GLCE: variants seen among roughly 807,000 people sequenced by gnomAD.
GLCE encodes the protein D-glucuronyl C5-epimerase.
A neutral mutation model predicts 47.9 loss-of-function variants in GLCE; 19 were observed. That is an observed-to-expected ratio of 0.40 (90% confidence interval 0.28 to 0.58). The LOEUF (loss-of-function observed/expected upper bound fraction) is 0.58. Ranked by LOEUF, GLCE falls within the 20% of genes least tolerant of loss-of-function variation. The probability of loss-of-function intolerance (pLI) is 0.48; values close to 1 mark genes in which losing one functional copy is unlikely to be tolerated. For synonymous variants in GLCE, 245 were observed against 263.4 expected (o/e 0.93, Z 0.68); for missense variants, 556 against 743.3 (o/e 0.75, Z 2.93).
At chr15:69,173,523 G>A (rs1197070256) in intron 1 of GLCE, among the ~76,000 whole-genome samples, 1 of 152,140 alleles carries the variant, frequency 6.6e-6, no homozygotes, top group Non-Finnish European at 1.5e-5. Context: ...GAAAATATTG[G>A]TTCATAATGA....
At chr15:69,252,498 AG>A (rs1477720707) in intron 2 of GLCE, among the ~76,000 whole-genome samples, 3 of 152,208 alleles carry the variant, frequency 2.0e-5, no homozygotes, top group African/African-American at 7.2e-5. Flanking sequence ...GCCATTCAAG[AG>A]GGATGCACCC....
intron 2 of GLCE, among the ~76,000 whole-genome samples, chr15:69,234,431 C>T (rs2052568055): frequency 6.6e-6 from 1 of 151,972 alleles, no homozygotes; most frequent in African/African-American, 2.4e-5. Flanking sequence ...ATTTGTAATT[C>T]AGGTTTTACC....
chr15:69,255,721 G>C, intron 2 of GLCE, 73 bp from the exon 3 acceptor site: 1 of 788,366 alleles, frequency 1.3e-6, no homozygotes, highest in Non-Finnish European at 1.9e-6. Flanking sequence ...AAAAAAAAAA[G>C]CAAAGAAAAC....
At chr15:69,171,953 T>C (rs1218328556) in intron 1 of GLCE, among the ~76,000 whole-genome samples, 1 of 152,222 alleles carries the variant, frequency 6.6e-6, no homozygotes, top group East Asian at 1.9e-4. Context: ...AGAGATCATC[T>C]TGATTTTTTA....
chr15:69,181,395 A>G (rs1002701612), intron 1 of GLCE, among the ~76,000 whole-genome samples: 5 of 152,200 alleles, frequency 3.3e-5, no homozygotes, highest in Non-Finnish European at 7.3e-5. Context: ...TTGGAGCACT[A>G]CAACATTTAA....
At chr15:69,216,098 A>G (rs1478052765) in intron 2 of GLCE, among the ~76,000 whole-genome samples, 1 of 152,146 alleles carries the variant, frequency 6.6e-6, no homozygotes. Context: ...TATTTGAATG[A>G]TAATTTTATT....
In GLCE at chr15:69,268,398, T is replaced by G; in HGVS notation, c.1008T>G (p.Asp336Glu). 1.2e-6 allele frequency: 2 copies of G among 1,613,982 alleles called. No homozygotes were observed. The highest frequency in any genetic ancestry group is 1.7e-6 in the Non-Finnish European group (2 of 1,179,868). Residue 336 changes from aspartate to glutamate, a missense_variant, in exon 5 of 5, where the codon GAT becomes GAG. Asp to Glu is a conservative substitution (Grantham distance 45). Around this residue, in one of 3 missense-constraint regions of GLCE, gnomAD observed 245 missense variants for 368.1 expected, o/e 0.67. Coordinates refer to ENST00000261858, the MANE Select transcript of GLCE (RefSeq NM_015554.3). The stretch of plus-strand genomic sequence containing the variant: ...AGCTAATTGCTTTTAAAGAAAGAGA[T>G]ATATACTATGGCATTGGGCCCAGAA... ...NAQLIAFKER[D>E]IYYGIGPRTS...
At position 69,161,014 on chromosome 15, in the gene GLCE, G is replaced by A. The variant is rs561124448; in HGVS notation, c.-105+257G>A. Among the ~76,000 whole-genome samples, 3 of 152,106 alleles carry A rather than the reference G, an allele frequency of 2.0e-5. No individual in the cohort carries two copies. In the South Asian group the frequency reaches 6.2e-4, roughly 32 times the overall value. ...GGGGGCAATGTATTAGGGATCCTGG[G>A]GGCTCTTCCGGCTTGGGGTAGGGGT... On this transcript the variant is annotated intron_variant, in intron 1 of 4. Transcript: ENST00000261858.
intron 1 of GLCE, among the ~76,000 whole-genome samples, chr15:69,162,106 A>G (rs2051433326): frequency 6.6e-6 from 1 of 152,232 alleles, no homozygotes; most frequent in Non-Finnish European, 1.5e-5. Context: ...TCCAGAAAAC[A>G]ATGGAATTTG....
chr15:69,179,332 G>A (rs1043634417), intron 1 of GLCE, among the ~76,000 whole-genome samples: 1 of 152,126 alleles, frequency 6.6e-6, no homozygotes, highest in African/African-American at 2.4e-5. Flanking sequence ...TGGAAAATTC[G>A]TGCAGAGAGG....
At chr15:69,173,545 TA>T (rs1209861995) in intron 1 of GLCE, among the ~76,000 whole-genome samples, 1 of 152,206 alleles carries the variant, frequency 6.6e-6, no homozygotes, top group East Asian at 1.9e-4. Flanking sequence ...GAAGCCTTTT[TA>T]TTTTTTTAAG....
At chr15:69,255,252 TG>T (rs1477074287) in intron 2 of GLCE, among the ~76,000 whole-genome samples, 2 of 152,294 alleles carry the variant, frequency 1.3e-5, no homozygotes, top group East Asian at 3.9e-4. Flanking sequence ...ATTTAATAAA[TG>T]CTACATGTTG....
chr15:69,214,893 G>A (rs1315149852), intron 2 of GLCE, among the ~76,000 whole-genome samples: 1 of 152,140 alleles, frequency 6.6e-6, no homozygotes. Context: ...TACAGTGTTT[G>A]TATACAGTTA....
chr15:69,237,069 C>G (rs886794278), intron 2 of GLCE, among the ~76,000 whole-genome samples: 2 of 152,066 alleles, frequency 1.3e-5, no homozygotes, highest in Non-Finnish European at 2.9e-5. Context: ...TATGCAGTGT[C>G]TGAAGGCTGT....
intron 1 of GLCE, among the ~76,000 whole-genome samples, chr15:69,162,221 AAGTGTATTT>A (rs2051435110): frequency 6.6e-6 from 1 of 152,126 alleles, no homozygotes; most frequent in Non-Finnish European, 1.5e-5. Flanking sequence ...TGTATTGTAA[AAGTGTATTT>A]AGCCTTGGAT....
chr15:69,264,578 T>C (rs2053060011), intron 4 of GLCE, among the ~76,000 whole-genome samples: 3 of 152,178 alleles, frequency 2.0e-5, no homozygotes, highest in Admixed American at 2.0e-4. Context: ...CTGGATCATA[T>C]GGTAGTTCTA....
chr15:69,192,725 A>G (rs144898258), intron 1 of GLCE, among the ~76,000 whole-genome samples: 129 of 152,044 alleles, frequency 8.5e-4, no homozygotes, highest in African/African-American at 2.7e-3. Context: ...TTCAAAGCTT[A>G]TTTTTATGCA....
intron 1 of GLCE, among the ~76,000 whole-genome samples, chr15:69,193,503 A>G (rs1200836724): frequency 6.6e-6 from 1 of 152,192 alleles, no homozygotes; most frequent in South Asian, 2.1e-4. Context: ...TTCTTATTAT[A>G]TTCAGAAGAT....
chr15:69,176,546 T>C (rs16952899), intron 1 of GLCE, among the ~76,000 whole-genome samples: 26,182 of 151,862 alleles, frequency 0.17, 2,841 homozygotes, highest in African/African-American at 0.3. Flanking sequence ...TTTTTTTTCC[T>C]CAAACATCTA....
Sources: allele counts gnomAD v4.1 joint callset (sites outside exome capture counted in the v4.1 genomes callset), GRCh38; gene constraint gnomAD v4.1.1; regional missense constraint gnomAD v4.1.1; transcripts MANE v1.5; gene names NCBI Gene and HGNC (gene_info 2026-07-23, HGNC 2026-07-21).